Variants in BID observed in about 807,000 individuals in gnomAD.
The protein encoded by BID is BH3 interacting domain death agonist, also known as BH3-interacting domain death agonist.
In BID, 19 loss-of-function variants were observed where a neutral mutation model predicts 17.4. The ratio of observed to expected loss-of-function variants is 1.09; its 90% CI spans 0.76 to 1.60. The LOEUF (loss-of-function observed/expected upper bound fraction) is 1.60, where lower values mean the gene tolerates loss of function less well. BID is among the 40% of genes most tolerant of loss of function. The pLI is 0.00. For synonymous variants in BID, 108 were observed against 102.8 expected (o/e 1.05, Z -0.31); for missense variants, 226 against 256.0 (o/e 0.88, Z 0.80).
rs766431042 is a variant in BID, at chr22:17,773,570, C to A, written c.-59+811G>T. 5.0e-6 allele frequency: 8 copies of A among 1,607,326 alleles called. No individual in the cohort carries two copies. The African/African-American group carries it at 9.4e-5, about 19-fold the overall frequency. On this transcript the variant is annotated intron_variant, in intron 1 of 5. Coordinates refer to ENST00000622694, the MANE Select transcript of BID (RefSeq NM_001196.4). This position sits in a 1 kb window ranked among gnomAD's most constrained non-coding sequence, Gnocchi z 4.4. ...CCCCAACCCTGCCTGCAGGTGAAGG[C>A]CGGTCCAGCCGCAGAAGGCCCAGCC... is the stretch of plus-strand genomic sequence containing the variant.
At chr22:17,771,524 G>A (rs760155444) in intron 1 of BID, among the ~76,000 whole-genome samples, 7 of 146,040 alleles carry the variant, frequency 4.8e-5, no homozygotes, top group Non-Finnish European at 9.0e-5. Context: ...CAATCCTCCC[G>A]TCTCAGCCTC....
At chr22:17,738,662 T>A (rs1032320191) in intron 4 of BID, among the ~76,000 whole-genome samples, 8 of 152,114 alleles carry the variant, frequency 5.3e-5, no homozygotes, top group Non-Finnish European at 1.0e-4. Flanking sequence ...TCGGCGCACA[T>A]GCAGAGTTAC....
Position 17,738,050 on chromosome 22 carries a change from G to A in BID, c.543C>T (p.Asn181=). The part of the protein sequence containing the change: ...FHTTVNFINQ[N]LRTYVRSLAR... Reference sequence around the variant, plus strand: ...CTAAGCTCCTCACGTAGGTGCGTAGGTTCTGGTTAATAAAATTCACTGTTG... The same window carrying A: ...CTAAGCTCCTCACGTAGGTGCGTAGATTCTGGTTAATAAAATTCACTGTTG... The change falls in exon 5 of 6, where the codon AAC becomes AAT. Residue 181 remains asparagine (N), a synonymous_variant. Transcript: ENST00000622694. The A allele has an allele frequency of 2.5e-6, 4 of 1,614,208 alleles. No individual in the cohort carries two copies. The highest frequency in any genetic ancestry group is 3.4e-6 in the Non-Finnish European group (4 of 1,180,056).
chr22:17,744,148 C>A, intron 2 of BID, 135 bp from the exon 3 acceptor site: 1 of 775,654 alleles, frequency 1.3e-6, no homozygotes. Context: ...GGCTGGAGGG[C>A]CCTGCAGGAG....
intron 1 of BID, among the ~76,000 whole-genome samples, chr22:17,752,726 CAT>C: frequency 1.3e-5 from 2 of 151,832 alleles, no homozygotes; most frequent in Non-Finnish European, 2.9e-5. Flanking sequence ...AGTGCAGTGG[CAT>C]GATCTTGGCT....
rs1418450523 is a variant in BID, at chr22:17,773,971, C to T, written c.-59+410G>A. The stretch of plus-strand genomic sequence containing the variant: ...CACGGTGTGGGCGGGGATTCCGATC[C>T]GCCGGCAAGGGTGGCCTGCACCCGG... On this transcript the variant is annotated intron_variant, in intron 1 of 5. Coordinates refer to ENST00000622694, the MANE Select transcript of BID (RefSeq NM_001196.4). The surrounding 1 kb of genome is among the most constrained non-coding windows in gnomAD (Gnocchi z 4.4). The T allele has an allele frequency of 3.6e-5, 19 of 520,758 alleles. No individual in the cohort carries two copies. The highest frequency in any genetic ancestry group is 2.2e-4 in the Admixed American group (6 of 27,544). The allele number at this position is 520,758 out of a possible 1,614,324, so 32.3% of individuals were successfully genotyped here. A position where few individuals can be genotyped will look rare whatever the true frequency, so the allele number is the denominator to read the frequency against.
intron 1 of BID, among the ~76,000 whole-genome samples, chr22:17,755,590 C>T (rs2061576298): frequency 6.6e-6 from 1 of 151,940 alleles, no homozygotes; most frequent in Non-Finnish European, 1.5e-5. Flanking sequence ...ATCACGAGGT[C>T]AAGAGACTGA....
intron 1 of BID, among the ~76,000 whole-genome samples, chr22:17,759,870 A>C (rs1022971562): frequency 2.0e-5 from 3 of 151,806 alleles, no homozygotes; most frequent in Admixed American, 1.3e-4. Flanking sequence ...CGGCCGGGCG[A>C]GGTGGCTCAC....
At chr22:17,741,921 G>A (rs1009083587) in intron 3 of BID, among the ~76,000 whole-genome samples, 3 of 152,206 alleles carry the variant, frequency 2.0e-5, no homozygotes, top group Admixed American at 6.5e-5. Flanking sequence ...TCCCTGCAGA[G>A]CAGAGCACCC....
At chr22:17,737,933 A>C in intron 5 of BID, 84 bp downstream of exon 5, 1 of 1,423,060 alleles carries the variant, frequency 7.0e-7, no homozygotes. Flanking sequence ...CATCAGAGGC[A>C]GGGGCCCCGC....
chr22:17,739,443 A>T lies in BID; in HGVS notation c.269T>A (p.Leu90His). The change falls in exon 4 of 6, where the codon CTC (leucine) becomes CAC (histidine). Residue 90 changes from leucine to histidine, a missense_variant. Leu to His is a moderately conservative substitution (Grantham distance 99, BLOSUM62 -3). Transcript: ENST00000622694. ...EDIIRNIARH[L>H]AQVGDSMDRS... ...GTCCATGCTGTCCCCGACCTGGGCG[A>T]GGTGCCTGGCAATATTCCGGATGAT... is the stretch of plus-strand genomic sequence containing the variant. 1 of 1,612,644 alleles carries T rather than the reference A, an allele frequency of 6.2e-7. No homozygotes were observed. Among genetic ancestry groups the T allele is most frequent in the Non-Finnish European group, 8.5e-7 (1 of 1,179,854 alleles).
At chr22:17,747,805 C>T (rs1044065054) in intron 2 of BID, among the ~76,000 whole-genome samples, 9 of 151,730 alleles carry the variant, frequency 5.9e-5, no homozygotes, top group South Asian at 2.1e-4. Flanking sequence ...TGGCCGGGCG[C>T]GGTGGCTCAC....
At chr22:17,760,389 TTGCAGTGAGGTGAGATCGCGCCAC>T (rs909852832) in intron 1 of BID, among the ~76,000 whole-genome samples, 8 of 139,136 alleles carry the variant, frequency 5.7e-5, no homozygotes, top group African/African-American at 2.3e-4. Context: ...GAGGCGGGGG[TTGCAGTGAGGTGAGATCGCGCCAC>T]TGCACTCCAG....
intron 1 of BID, among the ~76,000 whole-genome samples, chr22:17,755,652 T>C (rs1235890156): frequency 6.6e-6 from 1 of 151,638 alleles, no homozygotes; most frequent in Non-Finnish European, 1.5e-5. Flanking sequence ...AATACAAAAA[T>C]TAGCCGGGTG....
intron 1 of BID, chr22:17,764,194 C>G (rs56660112): frequency 0.019 from 2,984 of 154,730 alleles, 75 homozygotes; most frequent in African/African-American, 0.067. Flanking sequence ...GTGCTCTCTC[C>G]ATTCCCCAGG....
At chr22:17,763,700 T>C (rs1024965861) in intron 1 of BID, among the ~76,000 whole-genome samples, 3 of 147,606 alleles carry the variant, frequency 2.0e-5, no homozygotes, top group African/African-American at 7.5e-5. Context: ...TTCCTCAACA[T>C]GAAAACATAC....
chr22:17,756,008 C>T (rs1160057215), intron 1 of BID, among the ~76,000 whole-genome samples: 1 of 151,998 alleles, frequency 6.6e-6, no homozygotes, highest in African/African-American at 2.4e-5. Flanking sequence ...GCTAGGATTA[C>T]AGGCACACAC....
chr22:17,739,185 A>G (rs1199469533), intron 4 of BID, among the ~76,000 whole-genome samples, 164 bp downstream of exon 4: 1 of 151,436 alleles, frequency 6.6e-6, no homozygotes, highest in Non-Finnish European at 1.5e-5. Flanking sequence ...AATCTTCTGC[A>G]AGGCAATGAA....
intron 5 of BID, among the ~76,000 whole-genome samples, chr22:17,737,249 C>A (rs2061426689): frequency 6.6e-6 from 1 of 152,094 alleles, no homozygotes; most frequent in Non-Finnish European, 1.5e-5. Flanking sequence ...CATGCCCAGC[C>A]TTTAGACTGT....
Sources: allele counts gnomAD v4.1 joint callset (sites outside exome capture counted in the v4.1 genomes callset), GRCh38; gene constraint gnomAD v4.1.1; non-coding constraint Gnocchi (gnomAD v3.1); transcripts MANE v1.5; gene names NCBI Gene and HGNC (gene_info 2026-07-23, HGNC 2026-07-21).